SEM1: variants seen among roughly 807,000 people sequenced by gnomAD.
SEM1 encodes the protein 26S proteasome complex subunit SEM1.
SEM1 carries 3 observed loss-of-function variants against 12.7 expected under a neutral mutation model. That is an observed-to-expected ratio of 0.24 (90% confidence interval 0.11 to 0.61). The LOEUF (loss-of-function observed/expected upper bound fraction) is 0.61. SEM1 is among the 20% of genes least tolerant of loss of function. The pLI is 0.88. For synonymous variants in SEM1, 30 were observed against 27.8 expected, an observed-to-expected ratio of 1.08 and a Z score of -0.25; for missense variants, 59 against 81.3, an observed-to-expected ratio of 0.73 and a Z score of 1.06.
At chr7:96,629,473 G>C (rs866034574) in intron 2 of SEM1, among the ~76,000 whole-genome samples, 7 of 151,744 alleles carry the variant, frequency 4.6e-5, no homozygotes, top group African/African-American at 1.7e-4. Context: ...CAGAATTTCT[G>C]CTTTATTCAT....
chr7:96,559,315 C>G (rs117187978), intron 2 of SEM1, among the ~76,000 whole-genome samples: 2,362 of 152,304 alleles, frequency 0.016, 21 homozygotes, highest in South Asian at 0.044. Context: ...CAAGGCCTCA[C>G]TCTGTGGCCC....
chr7:96,541,299 G>C (rs1329498870), intron 2 of SEM1, among the ~76,000 whole-genome samples: 2 of 151,732 alleles, frequency 1.3e-5, no homozygotes, highest in African/African-American at 4.8e-5. Context: ...GGTGTGCAGT[G>C]ATGTCTCTTA....
chr7:96,559,531 C>A (rs887664132), intron 2 of SEM1, among the ~76,000 whole-genome samples: 10 of 152,318 alleles, frequency 6.6e-5, no homozygotes, highest in Admixed American at 6.5e-4. Flanking sequence ...GACCCACCCA[C>A]CCAAAGTGCT....
chr7:96,663,456 A>G (rs898573596), intron 2 of SEM1, among the ~76,000 whole-genome samples: 4 of 152,220 alleles, frequency 2.6e-5, no homozygotes, highest in Non-Finnish European at 4.4e-5. Flanking sequence ...AAGGAGCAGC[A>G]GTGTGGGGGA....
chr7:96,534,634 A>G (rs1389252145), intron 2 of SEM1, among the ~76,000 whole-genome samples: 2 of 152,076 alleles, frequency 1.3e-5, no homozygotes, highest in Non-Finnish European at 2.9e-5. Context: ...AATAACAATT[A>G]TCTACAAAGG....
At chr7:96,527,493 T>A (rs4599731) in intron 2 of SEM1, among the ~76,000 whole-genome samples, 8,483 of 152,154 alleles carry the variant, frequency 0.056, 794 homozygotes, top group African/African-American at 0.19. Flanking sequence ...ATTTTACCAC[T>A]GCAGCCCTGC....
At chr7:96,649,358 AT>A (rs1156852207) in intron 2 of SEM1, 1 of 152,128 alleles carries the variant, frequency 6.6e-6, no homozygotes, top group African/African-American at 2.4e-5. Context: ...CTCCAAAAAA[AT>A]ATTCTGTGGT....
intron 2 of SEM1, among the ~76,000 whole-genome samples, chr7:96,554,510 G>A (rs879785295): frequency 0.018 from 2,565 of 141,346 alleles, 63 homozygotes; most frequent in African/African-American, 0.063. Flanking sequence ...ATTGATTTGC[G>A]TATATTGAAC....
intron 2 of SEM1, among the ~76,000 whole-genome samples, chr7:96,523,883 A>C (rs1474645974): frequency 1.3e-5 from 2 of 152,086 alleles, no homozygotes; most frequent in East Asian, 1.9e-4. Context: ...TTATCAGATG[A>C]TGCATCTCAC....
At chr7:96,542,908 C>T (rs899359740) in intron 2 of SEM1, among the ~76,000 whole-genome samples, 2 of 151,812 alleles carry the variant, frequency 1.3e-5, no homozygotes, top group Non-Finnish European at 2.9e-5. Context: ...ACAAATAAAA[C>T]AATGGCAAAA....
At chr7:96,552,562 T>C (rs1805318800) in intron 2 of SEM1, among the ~76,000 whole-genome samples, 1 of 148,212 alleles carries the variant, frequency 6.7e-6, no homozygotes, top group Non-Finnish European at 1.5e-5. Context: ...GGTGTATATG[T>C]GCCACATTTT....
intron 2 of SEM1, among the ~76,000 whole-genome samples, chr7:96,648,569 C>T (rs1808873588): frequency 6.6e-6 from 1 of 152,098 alleles, no homozygotes; most frequent in Non-Finnish European, 1.5e-5. Flanking sequence ...ATAGAAATCG[C>T]TATATATTTT....
At chr7:96,567,941 TAC>T (rs60024164) in intron 2 of SEM1, among the ~76,000 whole-genome samples, 99 of 149,790 alleles carry the variant, frequency 6.6e-4, no homozygotes, top group African/African-American at 2.3e-3. Context: ...TGCACACACA[TAC>T]ACACACACAC....
chr7:96,531,934 A>G (rs1252434120), intron 2 of SEM1, among the ~76,000 whole-genome samples: 2 of 152,088 alleles, frequency 1.3e-5, no homozygotes, highest in Admixed American at 1.3e-4. Context: ...TTACAGATCT[A>G]ATTGAAATGT....
chr7:96,496,435 C>G, upstream of SEM1: 1 of 564,842 alleles, frequency 1.8e-6, no homozygotes, highest in Middle Eastern at 4.4e-4. Context: ...CTTTATACTG[C>G]CCCCCCCAAC....
intron 1 of SEM1, among the ~76,000 whole-genome samples, chr7:96,490,395 C>G (rs1455267923): frequency 6.6e-6 from 1 of 152,098 alleles, no homozygotes; most frequent in African/African-American, 2.4e-5. Flanking sequence ...ATAAAGAGCC[C>G]AGATTACACA....
chr7:96,678,373 A>G (rs1180373593), intron 2 of SEM1, among the ~76,000 whole-genome samples: 1 of 152,210 alleles, frequency 6.6e-6, no homozygotes, highest in Non-Finnish European at 1.5e-5. Context: ...ACAGAGACTC[A>G]GAAAACTTAG....
chr7:96,673,245 A>G (rs1789367792), downstream of SEM1: 1 of 152,610 alleles, frequency 6.6e-6, no homozygotes. Flanking sequence ...CCTCCCAAGT[A>G]GCTGGGATTA....
chr7:96,587,796 CACAT>C (rs1806689449), intron 2 of SEM1, among the ~76,000 whole-genome samples: 1 of 151,948 alleles, frequency 6.6e-6, no homozygotes, highest in South Asian at 2.1e-4. Flanking sequence ...TACACGTGTA[CACAT>C]ACATACGTAC....
Sources: gnomAD v4.1 joint callset for allele counts (sites outside exome capture counted in the v4.1 genomes callset) on GRCh38, gnomAD v4.1.1 for gene constraint, MANE v1.5 for transcripts, NCBI Gene and HGNC (gene_info 2026-07-23, HGNC 2026-07-21) for gene names.